Variants in HS6ST3 observed in about 807,000 individuals in gnomAD.
The protein encoded by HS6ST3 is heparan sulfate 6-O-sulfotransferase 3, also known as heparan-sulfate 6-O-sulfotransferase 3.
In HS6ST3, 12 loss-of-function variants were observed where a neutral mutation model predicts 36.7. The observed-to-expected ratio is 0.33, with a 90% CI of 0.21 to 0.53. HS6ST3 has a LOEUF of 0.53. HS6ST3 is among the 20% of genes least tolerant of loss of function. The probability of loss-of-function intolerance (pLI) is 0.95; values close to 1 mark genes in which losing one functional copy is unlikely to be tolerated. For synonymous variants in HS6ST3, 240 were observed against 257.5 expected, an observed-to-expected ratio of 0.93 and a Z score of 0.65; for missense variants, 584 against 640.9, an observed-to-expected ratio of 0.91 and a Z score of 0.96.
At chr13:96,396,309 G>GT (rs1376327185) in intron 1 of HS6ST3, among the ~76,000 whole-genome samples, 2 of 113,396 alleles carry the variant, frequency 1.8e-5, no homozygotes, top group Non-Finnish European at 3.7e-5. Context: ...GGGAGACTCT[G>GT]TTTTGTTTGT....
chr13:96,367,992 C>G (rs952319029), intron 1 of HS6ST3, among the ~76,000 whole-genome samples: 1 of 152,148 alleles, frequency 6.6e-6, no homozygotes, highest in African/African-American at 2.4e-5. Flanking sequence ...TGTACGAAGT[C>G]GAAGAAAGTG....
chr13:96,751,727 G>A (rs140849831), intron 1 of HS6ST3, among the ~76,000 whole-genome samples: 11 of 151,760 alleles, frequency 7.2e-5, no homozygotes, highest in Admixed American at 6.6e-4. Flanking sequence ...GGAAAAAAAG[G>A]CTCTATTTTC....
intron 1 of HS6ST3, among the ~76,000 whole-genome samples, chr13:96,638,399 G>A (rs186205009): frequency 7.6e-4 from 116 of 152,134 alleles, no homozygotes; most frequent in Non-Finnish European, 1.3e-3. Context: ...TCTTAGGCAA[G>A]TTACATACCC....
Position 96,832,733 on chromosome 13 carries a change from C to T in HS6ST3, c.951C>T (p.Leu317=), listed in dbSNP as rs535937797. The stretch of plus-strand genomic sequence containing the variant: ...GCCAGGTGCGCATGCTGGCTGACCT[C>T]AGCCTGGTGGGCTGCTATAACTTGA... ...NNRQVRMLAD[L]SLVGCYNLTF... Residue 317 remains leucine, a synonymous_variant, in exon 2 of 2, where the codon CTC becomes CTT. Transcript: ENST00000376705. 7.5e-5 allele frequency: 121 copies of T among 1,614,176 alleles called. 2 individuals carry two copies. In the South Asian group the frequency reaches 1.3e-3, roughly 17 times the overall value.
chr13:96,421,508 G>GGTA (rs2055562024), intron 1 of HS6ST3, among the ~76,000 whole-genome samples: 1 of 152,178 alleles, frequency 6.6e-6, no homozygotes. Context: ...GAGCATGGTA[G>GGTA]GTAGGTCTTT....
chr13:96,771,983 G>C (rs1374303869), intron 1 of HS6ST3, among the ~76,000 whole-genome samples: 1 of 152,128 alleles, frequency 6.6e-6, no homozygotes, highest in Non-Finnish European at 1.5e-5. Context: ...GTACTGTTTT[G>C]TATCTTTGTT....
intron 1 of HS6ST3, among the ~76,000 whole-genome samples, chr13:96,275,815 T>C (rs1299369075): frequency 6.6e-6 from 1 of 151,994 alleles, no homozygotes; most frequent in Non-Finnish European, 1.5e-5. Context: ...TGAAATTAAA[T>C]AATCCAAATG....
intron 1 of HS6ST3, among the ~76,000 whole-genome samples, chr13:96,152,663 C>CT (rs1257270496): frequency 2.6e-5 from 4 of 152,008 alleles, no homozygotes; most frequent in Non-Finnish European, 5.9e-5. Context: ...TATCAGCAGT[C>CT]TTTTTTATAT....
rs1386281683 is a variant in HS6ST3 at position 96,835,124 on chromosome 13, T to G, written c.*1926T>G. On this transcript the variant is annotated 3_prime_UTR_variant, in exon 2 of 2. Transcript: ENST00000376705. Reference sequence around the variant, plus strand: ...AAGTTCTCTTTACTCCGTCACCATATCCATATGGAATAAGGGCTCGTCCTA... The same window carrying G: ...AAGTTCTCTTTACTCCGTCACCATAGCCATATGGAATAAGGGCTCGTCCTA... 6.6e-6 allele frequency: 1 copy of G among 152,144 alleles called. No homozygotes were observed. Among genetic ancestry groups the G allele is most frequent in the Admixed American group, 6.5e-5 (1 of 15,272 alleles). 9.4% of individuals were successfully genotyped at this position (152,144 alleles called of 1,614,324 possible).
At chr13:96,268,792 A>G (rs1449419190) in intron 1 of HS6ST3, among the ~76,000 whole-genome samples, 1 of 151,922 alleles carries the variant, frequency 6.6e-6, no homozygotes, top group Non-Finnish European at 1.5e-5. Context: ...TTTACATGCA[A>G]TATAACTTGA....
intron 1 of HS6ST3, among the ~76,000 whole-genome samples, chr13:96,277,706 A>G (rs1338275302): frequency 6.6e-6 from 1 of 152,222 alleles, no homozygotes; most frequent in Admixed American, 6.6e-5. Context: ...AATTATATTT[A>G]TACTACAATT....
chr13:96,417,302 T>C (rs991915318), intron 1 of HS6ST3, among the ~76,000 whole-genome samples: 4 of 152,142 alleles, frequency 2.6e-5, no homozygotes, highest in African/African-American at 4.8e-5. Flanking sequence ...ATCTCTGCCT[T>C]CATGAGCTTA....
chr13:96,595,725 T>C (rs2056399150), intron 1 of HS6ST3, among the ~76,000 whole-genome samples: 1 of 152,112 alleles, frequency 6.6e-6, no homozygotes, highest in African/African-American at 2.4e-5. Flanking sequence ...CTTTTCTTTC[T>C]TTTTTATTTT....
At chr13:96,462,070 T>C (rs1254882235) in intron 1 of HS6ST3, among the ~76,000 whole-genome samples, 3 of 152,122 alleles carry the variant, frequency 2.0e-5, no homozygotes, top group South Asian at 2.1e-4. Flanking sequence ...TTGAAAACTT[T>C]TGTTTTTCAG....
intron 1 of HS6ST3, among the ~76,000 whole-genome samples, chr13:96,205,038 C>A (rs1294828285): frequency 6.6e-6 from 1 of 151,504 alleles, no homozygotes; most frequent in Non-Finnish European, 1.5e-5. Context: ...AAAAAATAAA[C>A]AAATCCAGGA....
chr13:96,651,022 T>C (rs2139012555), intron 1 of HS6ST3, among the ~76,000 whole-genome samples: 1 of 152,196 alleles, frequency 6.6e-6, no homozygotes, highest in Non-Finnish European at 1.5e-5. Flanking sequence ...TGACTTGTCA[T>C]TATTTTCTTT....
At chr13:96,312,094 A>G (rs1246873980) in intron 1 of HS6ST3, among the ~76,000 whole-genome samples, 2 of 152,130 alleles carry the variant, frequency 1.3e-5, no homozygotes, top group African/African-American at 2.4e-5. Flanking sequence ...TTAGTACCCA[A>G]TGGGCACTGC....
intron 1 of HS6ST3, among the ~76,000 whole-genome samples, chr13:96,161,081 G>A (rs1449341488): frequency 6.6e-6 from 1 of 152,090 alleles, no homozygotes; most frequent in Non-Finnish European, 1.5e-5. Context: ...TTGGCGCAAG[G>A]TTCATCTCTT....
At chr13:96,778,208 A>G (rs1445658409) in intron 1 of HS6ST3, among the ~76,000 whole-genome samples, 1 of 152,238 alleles carries the variant, frequency 6.6e-6, no homozygotes, top group Non-Finnish European at 1.5e-5. Flanking sequence ...TAAGACCTAA[A>G]ACCATAAAAA....
Sources: allele counts gnomAD v4.1 joint callset (sites outside exome capture counted in the v4.1 genomes callset), GRCh38; gene constraint gnomAD v4.1.1; transcripts MANE v1.5; gene names NCBI Gene and HGNC (gene_info 2026-07-23, HGNC 2026-07-21).